The following CPNE2 variants were observed in gnomAD, a reference collection of about 807,000 sequenced individuals.
The protein encoded by CPNE2 is copine 2, also known as copine-2.
Under a neutral mutation model 69.7 loss-of-function variants are expected in CPNE2, and 42 were observed. The observed-to-expected ratio is 0.60, with a 90% confidence interval of 0.47 to 0.78. The LOEUF is 0.78. Ranked by LOEUF, CPNE2 falls within the 30% of genes least tolerant of loss-of-function variation. The probability of loss-of-function intolerance (pLI) is 0.00; values close to 1 mark genes in which losing one functional copy is unlikely to be tolerated. For missense variants in CPNE2, 587 were observed against 732.0 expected (o/e 0.80, Z 2.29); for synonymous variants, 294 against 289.8 (o/e 1.01, Z -0.15).
chr16:57,146,457 G>A lies in CPNE2; in HGVS notation c.1539+136G>A. ...CTCCATTGACTATGCTCTTCTGAGG[G>A]CCTGCCATGTGCCAGGCGCCGTGCC... On this transcript the variant is annotated intron_variant, in intron 15 of 15. Transcript: ENST00000290776. This position sits in a 1 kb window ranked among gnomAD's most constrained non-coding sequence, Gnocchi z 4.4. 1.3e-6 allele frequency: 1 copy of A among 795,868 alleles called. No individual in the cohort carries two copies. 49.3% of individuals were successfully genotyped at this position (795,868 alleles called of 1,614,324 possible).
At chr16:57,131,425 T>C (rs2069837654) in intron 12 of CPNE2, among the ~76,000 whole-genome samples, 2 of 152,134 alleles carry the variant, frequency 1.3e-5, no homozygotes, top group African/African-American at 4.8e-5. Flanking sequence ...GGTGTGAGGC[T>C]ACGCCTCAGA....
chr16:57,132,316 T>G (rs752647422), intron 12 of CPNE2, among the ~76,000 whole-genome samples: 1 of 152,118 alleles, frequency 6.6e-6, no homozygotes, highest in South Asian at 2.1e-4. Context: ...CCCTTCAACG[T>G]GAGCAGAGTT....
chr16:57,141,304 G>A (rs758427255), intron 14 of CPNE2: 1 of 152,280 alleles, frequency 6.6e-6, no homozygotes, highest in Non-Finnish European at 1.5e-5. Flanking sequence ...GAAGCAGAAG[G>A]ACTTGAGGCC....
intron 4 of CPNE2, among the ~76,000 whole-genome samples, chr16:57,116,463 G>A (rs1356986638): frequency 6.6e-6 from 1 of 152,124 alleles, no homozygotes; most frequent in African/African-American, 2.4e-5. Context: ...AAGGCAGGAG[G>A]ATCCCTTAAG....
At chr16:57,108,501 C>T (rs1470207550) in intron 1 of CPNE2, among the ~76,000 whole-genome samples, 2 of 152,146 alleles carry the variant, frequency 1.3e-5, no homozygotes, top group Non-Finnish European at 2.9e-5. Context: ...GGAACCTGGC[C>T]ATTGTTGGGT....
chr16:57,108,112 C>T (rs1227488222), intron 1 of CPNE2, among the ~76,000 whole-genome samples: 1 of 152,108 alleles, frequency 6.6e-6, no homozygotes, highest in African/African-American at 2.4e-5. Flanking sequence ...TCAAGTGATC[C>T]ACCTGCCTGG....
Position 57,101,400 on chromosome 16 carries a change from C to A in CPNE2, c.-36+8610C>A, listed in dbSNP as rs899781602. ...GCATTCAAGATACGTTCCAACCCCC[C>A]AAAAGTTCAGTAAACTTAGCAGCCA... On this transcript the variant is annotated intron_variant, in intron 1 of 15. Coordinates refer to ENST00000290776, the MANE Select transcript of CPNE2 (RefSeq NM_152727.6). Among the ~76,000 whole-genome samples, 6 of 152,184 alleles carry A rather than the reference C, an allele frequency of 3.9e-5. No individual in the cohort carries two copies. In the East Asian group the frequency reaches 9.6e-4, roughly 24 times the overall value.
chr16:57,100,010 T>C (rs1261103540), intron 1 of CPNE2, among the ~76,000 whole-genome samples: 2 of 152,138 alleles, frequency 1.3e-5, no homozygotes, highest in African/African-American at 4.8e-5. Context: ...CTTGACCTTG[T>C]GATCCACCTG....
At chr16:57,112,433 C>T (rs926231512) in intron 2 of CPNE2, among the ~76,000 whole-genome samples, 2 of 152,112 alleles carry the variant, frequency 1.3e-5, no homozygotes, top group South Asian at 2.1e-4. Context: ...CCCTGACAAC[C>T]TCTGCCCCCA....
intron 11 of CPNE2, among the ~76,000 whole-genome samples, 192 bp from the exon 12 acceptor site, chr16:57,127,657 A>G (rs764631480): frequency 3.5e-4 from 53 of 152,314 alleles, no homozygotes; most frequent in Middle Eastern, 3.4e-3. Flanking sequence ...TGGTCAGGCC[A>G]CATGTTCACC....
At position 57,118,900 on chromosome 16, in the gene CPNE2, A is replaced by G. The variant is rs545261488; in HGVS notation, c.508-295A>G. On this transcript the variant is annotated intron_variant, in intron 5 of 15. Transcript: ENST00000290776. ...ACCCTCTTGAAGTCCTGGCCCATCTAAAATGCCGGAGTTCTGACTCACACA... is the reference window on the plus strand; with the variant it reads ...ACCCTCTTGAAGTCCTGGCCCATCTGAAATGCCGGAGTTCTGACTCACACA... 7.2e-4 allele frequency among the ~76,000 whole-genome samples: 110 copies of G among 152,208 alleles called. 2 individuals carry two copies. In the South Asian group the frequency reaches 0.023, roughly 31 times the overall value.
chr16:57,118,789 C>A (rs1327997821), intron 5 of CPNE2, among the ~76,000 whole-genome samples: 1 of 152,162 alleles, frequency 6.6e-6, no homozygotes, highest in African/African-American at 2.4e-5. Context: ...ATGTCATGTG[C>A]AGGATAGTTT....
At position 57,101,884 on chromosome 16, in the gene CPNE2, C is replaced by T. The variant is rs565107263; in HGVS notation, c.-35-8824C>T. On this transcript the variant is annotated intron_variant, in intron 1 of 15. Transcript: ENST00000290776. ...CAGAGCATGTTAAAACACAGGCCTA[C>T]GGGCACCACTCTAGGCCTTCTGCTA... 1.5e-4 allele frequency among the ~76,000 whole-genome samples: 23 copies of T among 152,218 alleles called. No homozygotes were observed. In the East Asian group the frequency reaches 1.7e-3, roughly 12 times the overall value.
chr16:57,093,295 G>C (rs372024894), intron 1 of CPNE2, among the ~76,000 whole-genome samples: 7 of 152,206 alleles, frequency 4.6e-5, no homozygotes, highest in Middle Eastern at 3.4e-3. Context: ...GAGCGCAGAG[G>C]GGGAGTGGAG....
intron 13 of CPNE2, among the ~76,000 whole-genome samples, chr16:57,135,463 G>A (rs1316272789): frequency 3.3e-5 from 5 of 152,146 alleles, no homozygotes; most frequent in Non-Finnish European, 5.9e-5. Flanking sequence ...GAGCCTAGGA[G>A]TTCAAGACCA....
intron 14 of CPNE2, 56 bp downstream of exon 14, chr16:57,137,338 G>C (rs1243867679): frequency 5.6e-6 from 9 of 1,596,956 alleles, no homozygotes; most frequent in Non-Finnish European, 7.7e-6. Flanking sequence ...CCTCTGGGCT[G>C]GGGGGCAGGA....
chr16:57,126,654 A>G (rs1315305023), intron 11 of CPNE2, among the ~76,000 whole-genome samples: 1 of 152,182 alleles, frequency 6.6e-6, no homozygotes, highest in Non-Finnish European at 1.5e-5. Flanking sequence ...CACATTGGGA[A>G]CAGGGGAGGA....
intron 1 of CPNE2, among the ~76,000 whole-genome samples, chr16:57,098,203 G>T (rs1366569021): frequency 6.6e-6 from 1 of 152,246 alleles, no homozygotes; most frequent in Non-Finnish European, 1.5e-5. Context: ...GAAGCTGGGG[G>T]TCCCCAGGGG....
intron 8 of CPNE2, 103 bp from the exon 9 acceptor site, chr16:57,121,571 T>A (rs2069762212): frequency 8.9e-7 from 1 of 1,127,226 alleles, no homozygotes; most frequent in African/African-American, 1.6e-5. Flanking sequence ...GGAAGCATGC[T>A]GCCCCCATTG....
Sources: allele counts gnomAD v4.1 joint callset (sites outside exome capture counted in the v4.1 genomes callset), GRCh38; gene constraint gnomAD v4.1.1; non-coding constraint Gnocchi (gnomAD v3.1); transcripts MANE v1.5; gene names NCBI Gene and HGNC (gene_info 2026-07-23, HGNC 2026-07-21).